WFDC8: variants seen among roughly 807,000 people sequenced by gnomAD.
The protein encoded by WFDC8 is WAP four-disulfide core domain 8, also known as WAP four-disulfide core domain protein 8.
In WFDC8, 24 loss-of-function variants were observed where a neutral mutation model predicts 27.0. That is an observed-to-expected ratio of 0.89 (90% CI 0.64 to 1.25). The LOEUF (loss-of-function observed/expected upper bound fraction) is 1.25, where lower values mean the gene tolerates loss of function less well. WFDC8 is among the 50% of genes most tolerant of loss of function. WFDC8 has a pLI of 0.00. For missense variants in WFDC8, 287 were observed against 295.9 expected (o/e 0.97, Z 0.22); for synonymous variants, 106 against 99.7 (o/e 1.06, Z -0.38).
chr20:45,568,023 G>T, intron 1 of WFDC8: 1 of 277,548 alleles, frequency 3.6e-6, no homozygotes, highest in South Asian at 5.1e-5. Context: ...CCCTGCTAGA[G>T]ACTTGCTACT....
Position 45,560,594 on chromosome 20 carries a change from CTATT to C in WFDC8, c.136+1512_136+1515del, listed in dbSNP as rs1409626309. On this transcript the variant is annotated intron_variant, in intron 2 of 5. Transcript: ENST00000289953. ...GTAGAACTTTGGAATGGAAAGAACT[CTATT>C]TATCATTGGTACCAAACTTCTGATT... Among the ~76,000 whole-genome samples, 5 of 152,168 alleles carry C rather than the reference CTATT, an allele frequency of 3.3e-5. 1 individual carries two copies. In the South Asian group the frequency reaches 6.2e-4, roughly 19 times the overall value.
intron 3 of WFDC8, among the ~76,000 whole-genome samples, chr20:45,558,029 C>T (rs957758929): frequency 1.7e-4 from 26 of 152,284 alleles, no homozygotes; most frequent in East Asian, 1.4e-3. Flanking sequence ...AAATACCAAA[C>T]ACCCGCCCCC....
At chr20:45,577,936 G>A (rs554509880) in intron 1 of WFDC8, among the ~76,000 whole-genome samples, 1 of 149,354 alleles carries the variant, frequency 6.7e-6, no homozygotes, top group South Asian at 2.2e-4. Flanking sequence ...GAACCCAGAA[G>A]GTGGAGGTTG....
chr20:45,561,468 G>C lies in WFDC8; in HGVS notation c.136+642C>G, dbSNP rs554025013. Among the ~76,000 whole-genome samples, 69 of 152,156 alleles carry C rather than the reference G, an allele frequency of 4.5e-4. 1 individual carries two copies. Among genetic ancestry groups the C allele is most frequent in the South Asian group, 1.0e-3 (5 of 4,822 alleles). The stretch of plus-strand genomic sequence containing the variant: ...TTTCTATTCCGCATCTTGACATTTG[G>C]CATCAACAGGTCCAGTTTGTTATTA... On this transcript the variant is annotated intron_variant, in intron 2 of 5. Transcript: ENST00000289953.
intron 1 of WFDC8, among the ~76,000 whole-genome samples, chr20:45,570,622 C>T (rs6017625): frequency 0.39 from 58,763 of 151,898 alleles, 11,831 homozygotes; most frequent in Non-Finnish European, 0.43. Context: ...TACAAACATT[C>T]GTATAGAGGT....
At chr20:45,567,338 C>G (rs1359388182) in intron 1 of WFDC8, among the ~76,000 whole-genome samples, 1 of 152,100 alleles carries the variant, frequency 6.6e-6, no homozygotes, top group Non-Finnish European at 1.5e-5. Context: ...CCACAGATCA[C>G]CCACCATTTT....
intron 1 of WFDC8, among the ~76,000 whole-genome samples, chr20:45,574,878 C>G (rs550939033): frequency 1.8e-4 from 27 of 152,248 alleles, no homozygotes; most frequent in Non-Finnish European, 1.2e-4. Context: ...TCAACATATT[C>G]AAAGCAATCA....
In WFDC8 at chr20:45,551,990, T is replaced by C; in HGVS notation, c.*36A>G. The C allele has an allele frequency of 6.2e-7, 1 of 1,609,468 alleles. No individual in the cohort carries two copies. Among genetic ancestry groups the C allele is most frequent in the Non-Finnish European group, 8.5e-7 (1 of 1,177,270 alleles). ...CAGCTCTTTATCATGCTACTCATAA[T>C]TAATGATTTTGATGATAATATTTTC... is the stretch of plus-strand genomic sequence containing the variant. On this transcript the variant is annotated 3_prime_UTR_variant, in exon 6 of 6. Transcript: ENST00000289953.
chr20:45,567,041 GTGT>G (rs1980703539), intron 1 of WFDC8, among the ~76,000 whole-genome samples: 1 of 151,682 alleles, frequency 6.6e-6, no homozygotes, highest in Non-Finnish European at 1.5e-5. Context: ...TTTTATTGTT[GTGT>G]TATTTTTTAT....
intron 5 of WFDC8, 131 bp from the exon 6 acceptor site, chr20:45,552,296 C>T (rs979043281): frequency 2.8e-5 from 30 of 1,080,472 alleles, no homozygotes; most frequent in Non-Finnish European, 4.0e-5. Flanking sequence ...CCTACAGTAA[C>T]AATAGACTGG....
At chr20:45,563,190 C>G (rs947541477) in intron 1 of WFDC8, among the ~76,000 whole-genome samples, 2 of 152,160 alleles carry the variant, frequency 1.3e-5, no homozygotes. Context: ...AGTGCCTATA[C>G]TCTCTGGTCA....
intron 1 of WFDC8, chr20:45,568,633 G>C: frequency 1.9e-6 from 1 of 534,718 alleles, no homozygotes; most frequent in Non-Finnish European, 3.8e-6. Context: ...ACAATATCTA[G>C]CCTTCCAGAA....
chr20:45,573,865 C>A (rs1396734291), intron 1 of WFDC8, among the ~76,000 whole-genome samples: 2 of 152,102 alleles, frequency 1.3e-5, no homozygotes, highest in African/African-American at 4.8e-5. Flanking sequence ...CTATTCTGTT[C>A]CATTGGTCAA....
intron 3 of WFDC8, 56 bp from the exon 4 acceptor site, chr20:45,555,924 G>T (rs1206079688): frequency 1.4e-5 from 22 of 1,549,648 alleles, no homozygotes; most frequent in Middle Eastern, 1.7e-4. Flanking sequence ...AAAGAACAGG[G>T]TCAGTTCCCT....
chr20:45,574,036 T>A (rs563779292), intron 1 of WFDC8, among the ~76,000 whole-genome samples: 6 of 152,336 alleles, frequency 3.9e-5, no homozygotes, highest in Non-Finnish European at 8.8e-5. Flanking sequence ...TAGGATTTTT[T>A]AAATTTCTAT....
Position 45,555,874 on chromosome 20 carries a change from G to T in WFDC8, c.278-6C>A, listed in dbSNP as rs1980229138. ...CACAGGTAGCATGCAGGGTTCTGAG[G>T]TCAGGAAGCAAGGAAAGAAGGATAT... On this transcript the variant is annotated splice_region_variant and splice_polypyrimidine_tract_variant and intron_variant, in intron 3 of 5. Coordinates refer to ENST00000289953, the MANE Select transcript of WFDC8 (RefSeq NM_130896.3). 6.2e-7 allele frequency: 1 copy of T among 1,613,038 alleles called. No homozygotes were observed. Among genetic ancestry groups the T allele is most frequent in the Non-Finnish European group, 8.5e-7 (1 of 1,179,248 alleles).
At chr20:45,553,449 A>G (rs187838772) in intron 4 of WFDC8, among the ~76,000 whole-genome samples, 173 bp from the exon 5 acceptor site, 7 of 152,264 alleles carry the variant, frequency 4.6e-5, no homozygotes, top group Non-Finnish European at 8.8e-5. Context: ...ATCATGGGAT[A>G]TGGTAGAGAG....
chr20:45,570,279 G>A (rs889497145), intron 1 of WFDC8, among the ~76,000 whole-genome samples: 1 of 152,080 alleles, frequency 6.6e-6, no homozygotes, highest in African/African-American at 2.4e-5. Flanking sequence ...TAAGAGGAAT[G>A]AAAATATGAG....
Position 45,578,269 on chromosome 20 carries a change from A to T in WFDC8, c.26+953T>A, listed in dbSNP as rs548038303. Among the ~76,000 whole-genome samples, 3 of 151,462 alleles carry T rather than the reference A, an allele frequency of 2.0e-5. No individual in the cohort carries two copies. In the South Asian group the frequency reaches 6.3e-4, roughly 32 times the overall value. ...TAGGAGCAATGGCTCAGTATTTGCT[A>T]ATCCGGTGTTCACAGTGACTTTACA... On this transcript the variant is annotated intron_variant, in intron 1 of 5. Transcript: ENST00000289953.
Sources: allele counts gnomAD v4.1 joint callset (sites outside exome capture counted in the v4.1 genomes callset), GRCh38; gene constraint gnomAD v4.1.1; transcripts MANE v1.5; gene names NCBI Gene and HGNC (gene_info 2026-07-23, HGNC 2026-07-21).